Variants in GNAQ observed in about 807,000 individuals in gnomAD.
GNAQ encodes the protein G protein subunit alpha q, also known as guanine nucleotide-binding protein G(q) subunit alpha.
Under a neutral mutation model 43.9 loss-of-function variants are expected in GNAQ, and 8 were observed. The ratio of observed to expected loss-of-function variants is 0.18; its 90% CI spans 0.11 to 0.33. The LOEUF (loss-of-function observed/expected upper bound fraction) is 0.33. Among genes scored for constraint, GNAQ ranks in the 10% least tolerant of loss-of-function variants. GNAQ has a pLI of 1.00. For missense variants in GNAQ, 158 were observed against 450.8 expected (o/e 0.35, Z 5.88); for synonymous variants, 155 against 170.7 (o/e 0.91, Z 0.71).
intron 2 of GNAQ, among the ~76,000 whole-genome samples, chr9:77,895,011 A>C (rs1243443665): frequency 6.6e-6 from 1 of 151,148 alleles, no homozygotes; most frequent in Admixed American, 6.6e-5. Flanking sequence ...AACATGGTGA[A>C]ACCCCTGTCT....
In GNAQ at chr9:77,857,673, G is replaced by A. The variant is rs111763527; in HGVS notation, c.322-41903C>T. Among the ~76,000 whole-genome samples, 1,155 of 143,088 alleles carry A rather than the reference G, an allele frequency of 8.1e-3. 29 individuals are homozygous for A. The highest frequency in any genetic ancestry group is 0.028 in the African/African-American group (1,094 of 38,522). 93.9% of individuals were successfully genotyped at this position (143,088 alleles called of 152,430 possible). The stretch of plus-strand genomic sequence containing the variant: ...GAAGGAGGGAAGGAGGGGAAGGAGG[G>A]AAGGAGGGGAAGGAGAGAAAGGAAG... On this transcript the variant is annotated intron_variant, in intron 2 of 6. Coordinates refer to ENST00000286548, the MANE Select transcript of GNAQ (RefSeq NM_002072.5).
chr9:77,866,585 C>G (rs1827953646), intron 2 of GNAQ, among the ~76,000 whole-genome samples: 1 of 152,174 alleles, frequency 6.6e-6, no homozygotes, highest in East Asian at 1.9e-4. Context: ...ACTAATCATA[C>G]TGATGGACAA....
chr9:77,967,129 T>C (rs2118441860), intron 1 of GNAQ, among the ~76,000 whole-genome samples: 1 of 152,316 alleles, frequency 6.6e-6, no homozygotes, highest in Non-Finnish European at 1.5e-5. Flanking sequence ...GTAGGTGAAC[T>C]ATCTTCTTTA....
At chr9:77,743,373 G>A (rs1825683334) in intron 5 of GNAQ, among the ~76,000 whole-genome samples, 1 of 152,214 alleles carries the variant, frequency 6.6e-6, no homozygotes, top group Admixed American at 6.5e-5. Flanking sequence ...CCTCTGGGGT[G>A]AAGTAACTCT....
intron 5 of GNAQ, among the ~76,000 whole-genome samples, chr9:77,762,678 T>C (rs1309835964): frequency 2.6e-5 from 4 of 151,896 alleles, no homozygotes; most frequent in South Asian, 2.1e-4. Context: ...GGGGAAAAGA[T>C]TGAGAAATCG....
chr9:77,997,016 T>C (rs910330423), intron 1 of GNAQ, among the ~76,000 whole-genome samples: 6 of 152,372 alleles, frequency 3.9e-5, no homozygotes, highest in African/African-American at 1.4e-4. Context: ...CATTTATTCT[T>C]TGTAACAATC....
At chr9:77,881,008 C>A (rs1486056139) in intron 2 of GNAQ, among the ~76,000 whole-genome samples, 1 of 152,170 alleles carries the variant, frequency 6.6e-6, no homozygotes, top group Non-Finnish European at 1.5e-5. Flanking sequence ...CCCTGCCAGG[C>A]TCACCATAGG....
chr9:78,031,059 T>TG, intron 1 of GNAQ, 41 bp downstream of exon 1: 1 of 1,370,336 alleles, frequency 7.3e-7, no homozygotes, highest in Non-Finnish European at 9.6e-7. Flanking sequence ...GATGGTGGGC[T>TG]GGGGGCGCAG....
intron 1 of GNAQ, among the ~76,000 whole-genome samples, chr9:78,030,887 C>CTGTGTGTGTGTGTGTG (rs35071779): frequency 9.6e-5 from 14 of 146,154 alleles, no homozygotes; most frequent in Admixed American, 4.1e-4. Context: ...GTGTGTGTCG[C>CTGTGTGTGTGTGTGTG]TGTGTGTGTG....
chr9:77,801,354 C>G (rs1329262626), intron 3 of GNAQ, among the ~76,000 whole-genome samples: 2 of 152,096 alleles, frequency 1.3e-5, no homozygotes, highest in Admixed American at 6.5e-5. Flanking sequence ...ATACTTTTTC[C>G]TCTTCATCTT....
Position 77,973,585 on chromosome 9 carries a change from A to C in GNAQ, c.137-51240T>G, listed in dbSNP as rs148319823. Among the ~76,000 whole-genome samples the C allele has an allele frequency of 1.8e-4, 27 of 152,308 alleles. No individual in the cohort carries two copies. In the East Asian group the frequency reaches 3.5e-3, roughly 20 times the overall value. On this transcript the variant is annotated intron_variant, in intron 1 of 6. Transcript: ENST00000286548. ...TAATCCCAGCACTTTGGGAGGCCAA[A>C]GCAGGCAGATCACTTGCAGTCAGGA...
chr9:77,862,537 G>A (rs1827871213), intron 2 of GNAQ, among the ~76,000 whole-genome samples: 1 of 152,144 alleles, frequency 6.6e-6, no homozygotes, highest in South Asian at 2.1e-4. Flanking sequence ...GAGCAGCTGG[G>A]CCACAGGGCA....
chr9:77,970,233 A>C lies in GNAQ; in HGVS notation c.137-47888T>G, dbSNP rs187513144. ...AGACTCCATCTCCACAAAAAAAAAAAAACAAACAAACAAACAAAAAAAACT... is the reference window on the plus strand; with the variant it reads ...AGACTCCATCTCCACAAAAAAAAAACAACAAACAAACAAACAAAAAAAACT... On this transcript the variant is annotated intron_variant, in intron 1 of 6. Coordinates refer to ENST00000286548, the MANE Select transcript of GNAQ (RefSeq NM_002072.5). Among the ~76,000 whole-genome samples the C allele has an allele frequency of 4.5e-4, 67 of 148,044 alleles. No homozygotes were observed. In the East Asian group the frequency reaches 9.9e-3, roughly 22 times the overall value.
At chr9:77,995,915 T>A (rs1823561571) in intron 1 of GNAQ, among the ~76,000 whole-genome samples, 1 of 152,228 alleles carries the variant, frequency 6.6e-6, no homozygotes, top group African/African-American at 2.4e-5. Context: ...AATTAAATTC[T>A]CTAGAAGTAA....
intron 2 of GNAQ, among the ~76,000 whole-genome samples, chr9:77,904,068 G>C (rs1214932405): frequency 6.6e-6 from 1 of 152,104 alleles, no homozygotes; most frequent in Non-Finnish European, 1.5e-5. Flanking sequence ...TGGCAAGCTG[G>C]ATCAGACTTG....
rs1824065046 is a variant in GNAQ, at chr9:78,031,697, C to T, written c.-462G>A. Reference sequence around the variant, plus strand: ...GCGAGCGGCCGCCGACGGCTCCCCGCGCCCGGCGCGCCCGCTCCTCGCCGC... The same window carrying T: ...GCGAGCGGCCGCCGACGGCTCCCCGTGCCCGGCGCGCCCGCTCCTCGCCGC... On this transcript the variant is annotated 5_prime_UTR_variant, in exon 1 of 7. Coordinates refer to ENST00000286548, the MANE Select transcript of GNAQ (RefSeq NM_002072.5). 6.8e-6 allele frequency among the ~76,000 whole-genome samples: 1 copy of T among 147,470 alleles called. No individual in the cohort carries two copies. Among genetic ancestry groups the T allele is most frequent in the African/African-American group, 2.4e-5 (1 of 40,922 alleles).
At chr9:77,762,184 G>A (rs1275357848) in intron 5 of GNAQ, among the ~76,000 whole-genome samples, 2 of 129,800 alleles carry the variant, frequency 1.5e-5, no homozygotes, top group African/African-American at 2.9e-5. Flanking sequence ...GCCTCTGCCC[G>A]GCCACCCCTA....
At chr9:77,986,796 C>A (rs1469030333) in intron 1 of GNAQ, among the ~76,000 whole-genome samples, 1 of 145,874 alleles carries the variant, frequency 6.9e-6, no homozygotes, top group African/African-American at 2.6e-5. Context: ...AGCCATGGCA[C>A]CTGGCCCTTT....
intron 1 of GNAQ, among the ~76,000 whole-genome samples, chr9:77,948,374 A>G (rs1822931142): frequency 6.6e-6 from 1 of 152,180 alleles, no homozygotes; most frequent in Non-Finnish European, 1.5e-5. Flanking sequence ...CAGGACACAA[A>G]CTGCTAGCAC....
Sources: allele counts gnomAD v4.1 joint callset (sites outside exome capture counted in the v4.1 genomes callset), GRCh38; gene constraint gnomAD v4.1.1; transcripts MANE v1.5; gene names NCBI Gene and HGNC (gene_info 2026-07-23, HGNC 2026-07-21).